Variants in NKAIN3 observed in about 807,000 individuals in gnomAD.
The protein encoded by NKAIN3 is sodium/potassium transporting ATPase interacting 3, also known as sodium/potassium-transporting ATPase subunit beta-1-interacting protein 3.
A neutral mutation model predicts 30.2 loss-of-function variants in NKAIN3; 25 were observed. The observed-to-expected ratio is 0.83, with a 90% CI of 0.60 to 1.16. The LOEUF is 1.16. Ranked by LOEUF, NKAIN3 falls within the 50% of genes most tolerant of loss-of-function variation. The probability of loss-of-function intolerance (pLI) is 0.00; values close to 1 mark genes in which losing one functional copy is unlikely to be tolerated. For missense variants in NKAIN3, 225 were observed against 254.1 expected, an observed-to-expected ratio of 0.89 and a Z score of 0.78; for synonymous variants, 91 against 89.6, an observed-to-expected ratio of 1.02 and a Z score of -0.09.
chr8:62,568,090 C>A (rs1408285371), intron 1 of NKAIN3, among the ~76,000 whole-genome samples: 1 of 152,138 alleles, frequency 6.6e-6, no homozygotes, highest in Non-Finnish European at 1.5e-5. Flanking sequence ...GAAATTGCCA[C>A]ACCTAGATAT....
intron 4 of NKAIN3, chr8:62,856,469 CAGG>C: frequency 1.3e-6 from 1 of 783,844 alleles, no homozygotes; most frequent in Admixed American, 1.8e-5. Flanking sequence ...TCAAAGCCCC[CAGG>C]TTTCTTCAGG....
intron 3 of NKAIN3, among the ~76,000 whole-genome samples, chr8:62,615,774 CA>C (rs1345531425): frequency 6.6e-6 from 1 of 152,134 alleles, no homozygotes; most frequent in Non-Finnish European, 1.5e-5. Context: ...TTCAGTGACA[CA>C]ATTGCTGTGT....
chr8:62,856,342 G>A (rs1347492321), intron 4 of NKAIN3: 9 of 909,270 alleles, frequency 9.9e-6, no homozygotes, highest in African/African-American at 9.7e-5. Context: ...AACCTGCTTA[G>A]TGCTTGCTTC....
chr8:62,566,101 G>A (rs1300112768), intron 1 of NKAIN3, among the ~76,000 whole-genome samples: 1 of 152,030 alleles, frequency 6.6e-6, no homozygotes, highest in East Asian at 1.9e-4. Context: ...ATCAGATACT[G>A]CATGGCTTAT....
chr8:62,853,086 T>A (rs1041547121), intron 4 of NKAIN3, among the ~76,000 whole-genome samples: 18 of 152,148 alleles, frequency 1.2e-4, no homozygotes, highest in African/African-American at 4.3e-4. Flanking sequence ...TGTATGGGAG[T>A]TTAAGTCTCT....
intron 1 of NKAIN3, among the ~76,000 whole-genome samples, chr8:62,268,480 G>T (rs934089468): frequency 6.6e-6 from 1 of 152,110 alleles, no homozygotes; most frequent in African/African-American, 2.4e-5. Flanking sequence ...CAGCAAGAAG[G>T]ACTGGAGAAT....
intron 4 of NKAIN3, among the ~76,000 whole-genome samples, chr8:62,890,286 C>A (rs375978568): frequency 1.1e-4 from 16 of 152,280 alleles, no homozygotes; most frequent in African/African-American, 3.9e-4. Context: ...ATACTCAATA[C>A]CAAATAGATG....
chr8:62,332,781 C>T (rs745951081), intron 1 of NKAIN3, among the ~76,000 whole-genome samples: 3 of 152,084 alleles, frequency 2.0e-5, no homozygotes, highest in East Asian at 1.9e-4. Context: ...TCAGCACTTC[C>T]GTCAAGAAGC....
intron 3 of NKAIN3, among the ~76,000 whole-genome samples, chr8:62,648,423 A>G (rs1812530868): frequency 6.6e-6 from 1 of 152,192 alleles, no homozygotes; most frequent in Non-Finnish European, 1.5e-5. Context: ...GTCTTAGCCC[A>G]TGTTCCCTAA....
chr8:62,882,148 A>G (rs562380983), intron 4 of NKAIN3, among the ~76,000 whole-genome samples: 1 of 152,264 alleles, frequency 6.6e-6, no homozygotes, highest in South Asian at 2.1e-4. Flanking sequence ...TTAGGATAAC[A>G]GTCCTTTATC....
intron 1 of NKAIN3, among the ~76,000 whole-genome samples, chr8:62,409,492 C>T (rs559516158): frequency 9.8e-4 from 149 of 152,116 alleles, no homozygotes; most frequent in African/African-American, 3.3e-3. Context: ...CATATATTAT[C>T]GGTTATACTC....
At chr8:62,605,511 CA>C (rs937565311) in intron 3 of NKAIN3, among the ~76,000 whole-genome samples, 30 of 151,948 alleles carry the variant, frequency 2.0e-4, no homozygotes, top group African/African-American at 7.2e-4. Flanking sequence ...TTGTTGCCCC[CA>C]TAAAGTATTT....
chr8:62,267,921 T>C (rs569984118), intron 1 of NKAIN3, among the ~76,000 whole-genome samples: 2 of 152,356 alleles, frequency 1.3e-5, no homozygotes, highest in South Asian at 4.1e-4. Flanking sequence ...GCTGGTCATT[T>C]ATTCTAGGAA....
rs551628151 is a variant in NKAIN3, at chr8:62,594,363, C to A, written c.273+4569C>A. Among the ~76,000 whole-genome samples the A allele has an allele frequency of 3.3e-5, 5 of 152,112 alleles. No homozygotes were observed. The South Asian group carries it at 1.0e-3, about 32-fold the overall frequency. ...ATCTCTCCAGGAAATTCCTCATTAG[C>A]CATTCTGCCAAGAGGGACTCCACAC... On this transcript the variant is annotated intron_variant, in intron 3 of 6. Transcript: ENST00000623646.
intron 1 of NKAIN3, among the ~76,000 whole-genome samples, chr8:62,503,819 G>A (rs1348914827): frequency 1.3e-5 from 2 of 151,930 alleles, no homozygotes; most frequent in African/African-American, 4.8e-5. Flanking sequence ...CCCTAAAATC[G>A]CTGTTATTCT....
chr8:62,905,505 AT>A (rs1278575681), intron 4 of NKAIN3, among the ~76,000 whole-genome samples: 1 of 152,166 alleles, frequency 6.6e-6, no homozygotes, highest in Non-Finnish European at 1.5e-5. Context: ...CTGATTTCAT[AT>A]TTTTCTCCAG....
At chr8:62,528,376 G>T (rs910755465) in intron 1 of NKAIN3, among the ~76,000 whole-genome samples, 11 of 130,308 alleles carry the variant, frequency 8.4e-5, no homozygotes, top group African/African-American at 3.1e-4. Context: ...TAGAATAAAT[G>T]TAACACAAAA....
chr8:62,586,504 A>G (rs1810480692), intron 2 of NKAIN3, among the ~76,000 whole-genome samples: 1 of 152,276 alleles, frequency 6.6e-6, no homozygotes, highest in Admixed American at 6.5e-5. Context: ...CTACTAAAAA[A>G]TGTTACAACA....
intron 1 of NKAIN3, among the ~76,000 whole-genome samples, chr8:62,350,391 G>T (rs769844746): frequency 6.6e-6 from 1 of 152,014 alleles, no homozygotes; most frequent in Non-Finnish European, 1.5e-5. Context: ...CATATGATTC[G>T]AGTTATATGA....
Sources: gnomAD v4.1 joint callset for allele counts (sites outside exome capture counted in the v4.1 genomes callset) on GRCh38, gnomAD v4.1.1 for gene constraint, MANE v1.5 for transcripts, NCBI Gene and HGNC (gene_info 2026-07-23, HGNC 2026-07-21) for gene names.